The following PHF14 variants were observed in gnomAD, a reference collection of about 807,000 sequenced individuals.
PHF14 encodes PHD finger protein 14.
Under a neutral mutation model 117.9 loss-of-function variants are expected in PHF14, and 55 were observed. The observed-to-expected ratio is 0.47, with a 90% CI of 0.38 to 0.58. The LOEUF is 0.58. PHF14 is among the 20% of genes least tolerant of loss of function. The pLI is 0.00. For synonymous variants in PHF14, 409 were observed against 368.6 expected (o/e 1.11, Z -1.26); for missense variants, 978 against 1,122.2 (o/e 0.87, Z 1.84).
At chr7:10,988,060 C>A (rs901598295) in intron 3 of PHF14, among the ~76,000 whole-genome samples, 28 of 151,064 alleles carry the variant, frequency 1.9e-4, no homozygotes, top group Non-Finnish European at 2.5e-4. Context: ...AAACTGAGAT[C>A]CTAATTTTTT....
At chr7:11,163,784 C>G (rs1179468554) in intron 17 of PHF14, among the ~76,000 whole-genome samples, 1 of 152,168 alleles carries the variant, frequency 6.6e-6, no homozygotes, top group Non-Finnish European at 1.5e-5. Context: ...ATTAAAAACA[C>G]AGTTTTAAAT....
intron 16 of PHF14, chr7:11,102,373 A>G: frequency 3.6e-6 from 4 of 1,115,248 alleles, no homozygotes; most frequent in Non-Finnish European, 4.0e-6. Context: ...TTTGGACCAG[A>G]TCATATGTTA....
chr7:11,029,140 A>T (rs1181513421), intron 7 of PHF14, among the ~76,000 whole-genome samples: 11 of 152,210 alleles, frequency 7.2e-5, no homozygotes. Context: ...ATTTTATACG[A>T]GAAGCTGAAA....
At chr7:11,113,040 G>A (rs572681336) in intron 17 of PHF14, among the ~76,000 whole-genome samples, 17 of 152,028 alleles carry the variant, frequency 1.1e-4, no homozygotes, top group African/African-American at 3.1e-4. Flanking sequence ...TGTCTTACGA[G>A]TCTCTTTAAT....
At chr7:11,024,738 A>G (rs547357942) in intron 6 of PHF14, among the ~76,000 whole-genome samples, 15 of 152,322 alleles carry the variant, frequency 9.8e-5, no homozygotes, top group African/African-American at 3.6e-4. Flanking sequence ...GATTCCTTTC[A>G]AAAGATTACT....
chr7:11,004,587 A>G (rs189488975), intron 4 of PHF14, among the ~76,000 whole-genome samples: 2 of 152,136 alleles, frequency 1.3e-5, no homozygotes, highest in East Asian at 3.9e-4. Flanking sequence ...TGATGTTGAC[A>G]TATTGAAGAA....
intron 5 of PHF14, among the ~76,000 whole-genome samples, chr7:11,021,574 A>G (rs913106215): frequency 6.6e-6 from 1 of 152,184 alleles, no homozygotes; most frequent in African/African-American, 2.4e-5. Flanking sequence ...AGTATGAAGC[A>G]AGCAGCCAGC....
chr7:11,051,502 A>C, intron 13 of PHF14, 110 bp from the exon 14 acceptor site: 1 of 817,430 alleles, frequency 1.2e-6, no homozygotes, highest in Non-Finnish European at 1.9e-6. Flanking sequence ...TTACCTGTGT[A>C]TATTTTTATA....
At chr7:11,133,706 A>G (rs1788145589) in intron 17 of PHF14, among the ~76,000 whole-genome samples, 1 of 152,004 alleles carries the variant, frequency 6.6e-6, no homozygotes, top group South Asian at 2.1e-4. Context: ...TGCACTTTTC[A>G]TCTGCTCACA....
At chr7:11,030,304 G>C (rs1174477105) in intron 7 of PHF14, among the ~76,000 whole-genome samples, 1 of 152,054 alleles carries the variant, frequency 6.6e-6, no homozygotes, top group Non-Finnish European at 1.5e-5. Context: ...CTTGGATCAG[G>C]GAATCTATAG....
intron 16 of PHF14, among the ~76,000 whole-genome samples, chr7:11,081,785 G>C (rs912808920): frequency 2.2e-4 from 34 of 151,828 alleles, no homozygotes; most frequent in African/African-American, 8.2e-4. Context: ...GAGCCCCGGA[G>C]GCAGAGGTTG....
rs530775079 is a variant in PHF14, at chr7:11,104,004, T to C, written c.2655-7346T>C. The C allele has an allele frequency of 4.0e-5, 39 of 985,086 alleles. 1 individual carries two copies. The highest frequency in any genetic ancestry group is 5.2e-4 in the Middle Eastern group (1 of 1,914). 61.0% of individuals were successfully genotyped at this position (985,086 alleles called of 1,614,324 possible). On this transcript the variant is annotated intron_variant, in intron 16 of 17. Transcript: ENST00000634607. ...ATTATTACTGTTGCTGAACTCTGGC[T>C]GCTTTTAAGCAAAATGACAGATTGC...
chr7:11,105,716 C>T (rs1223926245), intron 16 of PHF14: 1 of 984,526 alleles, frequency 1.0e-6, no homozygotes, highest in Non-Finnish European at 1.2e-6. Context: ...AAAGTGGAAG[C>T]CTCTTTCCCA....
intron 16 of PHF14, among the ~76,000 whole-genome samples, chr7:11,071,600 C>G (rs781445181): frequency 6.6e-6 from 1 of 152,138 alleles, no homozygotes; most frequent in Non-Finnish European, 1.5e-5. Context: ...TGTCATTGTT[C>G]AACGATCATT....
intron 4 of PHF14, among the ~76,000 whole-genome samples, chr7:10,995,471 G>A (rs4348382): frequency 0.21 from 31,816 of 152,194 alleles, 5,229 homozygotes; most frequent in African/African-American, 0.46. Context: ...CACTAGACTC[G>A]GGAGCCTAGC....
intron 4 of PHF14, among the ~76,000 whole-genome samples, chr7:11,012,661 T>C (rs565499552): frequency 8.5e-5 from 13 of 152,338 alleles, no homozygotes; most frequent in African/African-American, 2.9e-4. Flanking sequence ...CTGTTGGGTG[T>C]GTTCATGAGA....
Position 10,983,695 on chromosome 7 carries a change from T to C in PHF14, c.900+536T>C, listed in dbSNP as rs111566893. 1.4e-4 allele frequency among the ~76,000 whole-genome samples: 21 copies of C among 152,292 alleles called. 1 individual carries two copies. Among genetic ancestry groups the C allele is most frequent in the African/African-American group, 4.8e-4 (20 of 41,572 alleles). On this transcript the variant is annotated intron_variant, in intron 3 of 17. Transcript: ENST00000634607. ...TCTTTTTAGTCACCAAATCTTTGCT[T>C]TATGTGTATGGGACATACACATAAG...
intron 11 of PHF14, among the ~76,000 whole-genome samples, chr7:11,039,818 C>T (rs1186579253): frequency 2.0e-5 from 3 of 152,044 alleles, no homozygotes; most frequent in African/African-American, 4.8e-5. Context: ...GTAGTCGCCT[C>T]TGGGAGGATC....
intron 4 of PHF14, chr7:11,006,687 C>A: frequency 1.6e-6 from 1 of 626,336 alleles, no homozygotes; most frequent in Non-Finnish European, 3.0e-6. Context: ...GGAGCTCTTC[C>A]GAGGATATCT....
Sources: allele counts gnomAD v4.1 joint callset (sites outside exome capture counted in the v4.1 genomes callset), GRCh38; gene constraint gnomAD v4.1.1; transcripts MANE v1.5; gene names NCBI Gene and HGNC (gene_info 2026-07-23, HGNC 2026-07-21).